The following HEATR5B variants were observed in gnomAD, a reference collection of about 807,000 sequenced individuals.
HEATR5B encodes the protein HEAT repeat containing 5B.
A neutral mutation model predicts 224.1 loss-of-function variants in HEATR5B; 156 were observed. That is an observed-to-expected ratio of 0.70 (90% CI 0.61 to 0.80). The LOEUF is 0.80. Among genes scored for constraint, HEATR5B ranks in the 30% least tolerant of loss-of-function variants. The pLI, the probability that HEATR5B is intolerant of heterozygous loss-of-function variation, is 0.00. For missense variants in HEATR5B, 2,323 were observed against 2,535.5 expected, an observed-to-expected ratio of 0.92 and a Z score of 1.80; for synonymous variants, 1,027 against 893.0, an observed-to-expected ratio of 1.15 and a Z score of -2.68.
At chr2:37,041,550 A>G (rs1330620229) in intron 18 of HEATR5B, among the ~76,000 whole-genome samples, 1 of 152,160 alleles carries the variant, frequency 6.6e-6, no homozygotes, top group Non-Finnish European at 1.5e-5. Flanking sequence ...GTTCGAGACC[A>G]GTCTGGCTAA....
chr2:37,011,227 T>C (rs990948870), intron 27 of HEATR5B, among the ~76,000 whole-genome samples: 2 of 152,116 alleles, frequency 1.3e-5, no homozygotes, highest in African/African-American at 4.8e-5. Context: ...AGGACAAAAG[T>C]TGACTTGCTC....
intron 35 of HEATR5B, among the ~76,000 whole-genome samples, chr2:36,982,863 T>TATACACACACAC (rs369772830): frequency 1.6e-5 from 2 of 126,002 alleles, no homozygotes; most frequent in African/African-American, 5.7e-5. Context: ...CAGACACAGA[T>TATACACACACAC]ACACACACAC....
At position 37,049,850 on chromosome 2, in the gene HEATR5B, T is replaced by TAAAAAAAAAAA; in HGVS notation, c.2506-18_2506-8dup. On this transcript the variant is annotated splice_polypyrimidine_tract_variant and splice_region_variant and intron_variant, in intron 17 of 35. Transcript: ENST00000233099. ...TTTTGTTTTCAGCTAAGCCCTACAT[T>TAAAAAAAAAAA]AAAAAAAAAAAAAAAAAAAAGACAG... 1 of 1,000,684 alleles carries TAAAAAAAAAAA rather than the reference T, an allele frequency of 1.0e-6. No individual in the cohort carries two copies. Among genetic ancestry groups the TAAAAAAAAAAA allele is most frequent in the Non-Finnish European group, 1.3e-6 (1 of 789,586 alleles). 62.0% of individuals were successfully genotyped at this position (1,000,684 alleles called of 1,614,324 possible). A position where few individuals can be genotyped will look rare whatever the true frequency, so the allele number is the denominator to read the frequency against.
At chr2:37,040,851 C>CA (rs1424106887) in intron 19 of HEATR5B, among the ~76,000 whole-genome samples, 1 of 150,546 alleles carries the variant, frequency 6.6e-6, no homozygotes, top group Non-Finnish European at 1.5e-5. Flanking sequence ...ATCAAGCTAA[C>CA]AAATCTAAAG....
At position 37,070,336 on chromosome 2, in the gene HEATR5B, A is replaced by G. The variant is rs1217994445; in HGVS notation, c.821T>C (p.Met274Thr). ...CCCTCCACGCAGAAATCCTGTGGCC[A>G]TGAGTTCTAAGACTTCATCAAATGT... ...RATFDEVLEL[M>T]ATGFLRGGSG... The change falls in exon 7 of 36, where the codon ATG becomes ACG. Residue 274 changes from methionine (M) to threonine (T), a missense_variant. Physicochemically the swap from Met to Thr is moderately conservative, Grantham distance 81. Transcript: ENST00000233099. The G allele has an allele frequency of 3.7e-6, 6 of 1,614,066 alleles. No homozygotes were observed. In the Admixed American group the frequency reaches 5.0e-5, roughly 13 times the overall value.
chr2:37,074,049 T>C (rs940299414), intron 5 of HEATR5B, among the ~76,000 whole-genome samples: 7 of 151,984 alleles, frequency 4.6e-5, no homozygotes, highest in African/African-American at 1.7e-4. Flanking sequence ...GGGCCGGGTG[T>C]GGTGGCTCAC....
Position 37,079,276 on chromosome 2 carries a change from C to CTT in HEATR5B, c.180_181dup (p.Ser61LysfsTer13). 1 of 1,613,008 alleles carries CTT rather than the reference C, an allele frequency of 6.2e-7. No individual in the cohort carries two copies. The highest frequency in any genetic ancestry group is 8.5e-7 in the Non-Finnish European group (1 of 1,179,392). Reference sequence around the variant, plus strand: ...TCGTGTAGGTGGTCCAGGTGAACTACTTATTAATCCAGTTAATTGTTCAAC... The same window carrying CTT: ...TCGTGTAGGTGGTCCAGGTGAACTACTTTTATTAATCCAGTTAATTGTTCAAC... On this transcript the variant is annotated frameshift_variant, in exon 3 of 36. Coordinates refer to ENST00000233099, the MANE Select transcript of HEATR5B (RefSeq NM_019024.3). LOFTEE classifies it high-confidence loss of function.
chr2:37,055,981 C>T (rs557895789), intron 16 of HEATR5B, among the ~76,000 whole-genome samples: 1 of 152,320 alleles, frequency 6.6e-6, no homozygotes, highest in South Asian at 2.1e-4. Context: ...TAGACTTGAA[C>T]CATCTCACAA....
intron 33 of HEATR5B, among the ~76,000 whole-genome samples, chr2:36,995,087 G>GTTTTT (rs775120824): frequency 1.9e-5 from 2 of 104,132 alleles, no homozygotes; most frequent in African/African-American, 4.1e-5. Flanking sequence ...GTTATTCCTT[G>GTTTTT]TTTTTTTTTT....
intron 33 of HEATR5B, among the ~76,000 whole-genome samples, chr2:36,995,053 A>T (rs537792685): frequency 3.4e-5 from 5 of 148,150 alleles, no homozygotes; most frequent in African/African-American, 7.6e-5. Flanking sequence ...CCCAGCCACA[A>T]ATTCTCAACG....
intron 12 of HEATR5B, among the ~76,000 whole-genome samples, chr2:37,059,434 GTGTGTGTGTGTGTATATA>G (rs1558358448): frequency 2.4e-5 from 2 of 84,824 alleles, no homozygotes; most frequent in African/African-American, 4.7e-5. Context: ...GTGTGTGTGT[GTGTGTGTGTGTGTATATA>G]TATATATATA....
intron 17 of HEATR5B, among the ~76,000 whole-genome samples, chr2:37,050,476 C>T (rs991296829): frequency 5.9e-5 from 9 of 152,110 alleles, no homozygotes; most frequent in Admixed American, 5.9e-4. Flanking sequence ...CTAAATCAAC[C>T]ATTATTTAAC....
chr2:37,078,495 T>C (rs1672365923), intron 3 of HEATR5B, among the ~76,000 whole-genome samples: 1 of 152,222 alleles, frequency 6.6e-6, no homozygotes, highest in Non-Finnish European at 1.5e-5. Context: ...ACTAAATCAT[T>C]AAAGTATTAA....
intron 35 of HEATR5B, among the ~76,000 whole-genome samples, chr2:36,983,292 G>T (rs1665704933): frequency 1.3e-5 from 2 of 151,962 alleles, no homozygotes; most frequent in Non-Finnish European, 2.9e-5. Context: ...CACTTTGGGA[G>T]GCCAAGGTGG....
chr2:36,990,361 G>A (rs899018747), intron 34 of HEATR5B, among the ~76,000 whole-genome samples: 35 of 152,096 alleles, frequency 2.3e-4, no homozygotes, highest in African/African-American at 5.8e-4. Context: ...TGTCCTTAGC[G>A]TCATTTAAAT....
rs1306623102 is a variant in HEATR5B at position 36,990,759 on chromosome 2, T to C, written c.5586A>G (p.Thr1862=). The change falls in exon 34 of 36, where the codon ACA becomes ACG. Residue 1862 remains threonine (T), a synonymous_variant. Coordinates refer to ENST00000233099, the MANE Select transcript of HEATR5B (RefSeq NM_019024.3). ...VPTPDEVSML[T]AIALFLWSAS... Reference sequence around the variant, plus strand: ...CAGACCACAGGAAGAGTGCAATTGCTGTTAGCATGCTTACTTCATCAGGTG... The same window carrying C: ...CAGACCACAGGAAGAGTGCAATTGCCGTTAGCATGCTTACTTCATCAGGTG... 1 of 1,611,170 alleles carries C rather than the reference T, an allele frequency of 6.2e-7. No homozygotes were observed. Among genetic ancestry groups the C allele is most frequent in the African/African-American group, 1.3e-5 (1 of 74,874 alleles).
intron 33 of HEATR5B, among the ~76,000 whole-genome samples, chr2:36,995,187 T>C (rs774754769): frequency 7.3e-5 from 11 of 149,696 alleles, no homozygotes; most frequent in Non-Finnish European, 1.6e-4. Context: ...CCTCCTGGGT[T>C]CAAGCAATTC....
intron 34 of HEATR5B, among the ~76,000 whole-genome samples, chr2:36,989,178 C>T (rs753246330): frequency 5.9e-5 from 9 of 152,114 alleles, no homozygotes; most frequent in Non-Finnish European, 7.4e-5. Flanking sequence ...CTCTGCCTCC[C>T]GGGTTCAAGC....
chr2:37,074,044 G>A (rs540399042), intron 5 of HEATR5B, among the ~76,000 whole-genome samples: 5 of 152,156 alleles, frequency 3.3e-5, no homozygotes, highest in African/African-American at 4.8e-5. Context: ...TGGAGGGGCC[G>A]GGTGTGGTGG....
Sources: gnomAD v4.1 joint callset for allele counts (sites outside exome capture counted in the v4.1 genomes callset) on GRCh38, gnomAD v4.1.1 for gene constraint, MANE v1.5 for transcripts, NCBI Gene and HGNC (gene_info 2026-07-23, HGNC 2026-07-21) for gene names.